UGT2B28: variants seen among roughly 807,000 people sequenced by gnomAD.
UGT2B28 encodes UDP glucuronosyltransferase family 2 member B28, also known as UDP-glucuronosyltransferase 2B28.
A neutral mutation model predicts 43.6 loss-of-function variants in UGT2B28; 45 were observed. The observed-to-expected ratio is 1.03, with a 90% confidence interval of 0.81 to 1.32. UGT2B28 has a LOEUF of 1.32. Among genes scored for constraint, UGT2B28 ranks in the 40% most tolerant of loss-of-function variants. The pLI is 0.00. For missense variants in UGT2B28, 649 were observed against 625.5 expected, an observed-to-expected ratio of 1.04 and a Z score of -0.40; for synonymous variants, 204 against 208.1, an observed-to-expected ratio of 0.98 and a Z score of 0.17.
intron 4 of UGT2B28, 121 bp downstream of exon 4, chr4:69,289,873 A>G (rs1723898210): frequency 9.0e-7 from 1 of 1,116,976 alleles, no homozygotes; most frequent in South Asian, 1.8e-5. Context: ...ACTTCTTTGT[A>G]TTTATTTTCC....
In UGT2B28 at chr4:69,290,880, G is replaced by C. The variant is rs1445128133; in HGVS notation, c.1310+69G>C. The stretch of plus-strand genomic sequence containing the variant: ...CTTCTCTTTTCAATAGTGAGCATGA[G>C]TTTCATCCTTTTTATAAGAGAGTAA... On this transcript the variant is annotated intron_variant, in intron 5 of 5. Transcript: ENST00000335568. The C allele has an allele frequency of 4.8e-6, 7 of 1,450,436 alleles. 1 individual carries two copies. The East Asian group carries it at 9.5e-5, about 20-fold the overall frequency. 89.8% of individuals were successfully genotyped at this position (1,450,436 alleles called of 1,614,324 possible). A position where few individuals can be genotyped will look rare whatever the true frequency, so the allele number is the denominator to read the frequency against.
chr4:69,288,030 C>A (rs1465123441), intron 3 of UGT2B28, among the ~76,000 whole-genome samples: 1 of 139,716 alleles, frequency 7.2e-6, no homozygotes, highest in African/African-American at 2.8e-5. Context: ...GTTGTCAAAG[C>A]TTTGTAGCAC....
At chr4:69,285,009 G>T (rs1723728839) in intron 2 of UGT2B28, among the ~76,000 whole-genome samples, 1 of 139,592 alleles carries the variant, frequency 7.2e-6, no homozygotes, top group Non-Finnish European at 1.5e-5. Flanking sequence ...TTACATGAAA[G>T]AATGATTAAA....
chr4:69,282,701 A>C, intron 2 of UGT2B28, 39 bp downstream of exon 2: 1 of 1,532,926 alleles, frequency 6.5e-7, no homozygotes. Context: ...GTTGGCTTCG[A>C]AGTTTCAGTA....
rs752104186 is a variant in UGT2B28, at chr4:69,282,603, T to C, written c.811T>C (p.Leu271=). The stretch of plus-strand genomic sequence containing the variant: ...GAGTTTTCAATTTCCTCATCCATTC[T>C]TACCAAACATTGATTTTGTTGGAGG... ...SWSFQFPHPF[L]PNIDFVGGLH... The change falls in exon 2 of 6, where the codon TTA becomes CTA. Residue 271 remains leucine, a synonymous_variant. Coordinates refer to ENST00000335568, the MANE Select transcript of UGT2B28 (RefSeq NM_053039.2). The C allele has an allele frequency of 8.4e-6, 13 of 1,556,176 alleles. 2 individuals carry two copies. Among genetic ancestry groups the C allele is most frequent in the Admixed American group, 1.8e-5 (1 of 55,682 alleles).
rs200642416 is a variant in UGT2B28, at chr4:69,290,671, G to A, written c.1170G>A (p.Met390Ile). ...AGGCAATCTACCATGGGATCCCTAT[G>A]GTAGGCATTCCATTGTTTTGGGATC... is the stretch of plus-strand genomic sequence containing the variant. ...IYEAIYHGIP[M>I]VGIPLFWDQP... Residue 390 changes from methionine (M) to isoleucine (I), a missense_variant, in exon 5 of 6, where the codon ATG (methionine) becomes ATA (isoleucine). Coordinates refer to ENST00000335568, the MANE Select transcript of UGT2B28 (RefSeq NM_053039.2). 3 of 1,559,110 alleles carry A rather than the reference G, an allele frequency of 1.9e-6. 1 individual carries two copies. Among genetic ancestry groups the A allele is most frequent in the Middle Eastern group, 3.4e-4 (2 of 5,842 alleles).
At chr4:69,288,274 G>A (rs115991986) in intron 3 of UGT2B28, among the ~76,000 whole-genome samples, 25,384 of 138,444 alleles carry the variant, frequency 0.18, 5,621 homozygotes, top group African/African-American at 0.2. Context: ...GAAGTTATAC[G>A]TAAAACCTTG....
At position 69,284,753 on chromosome 4, in the gene UGT2B28, C is replaced by G. The variant is rs983711115; in HGVS notation, c.871-1999C>G. Among the ~76,000 whole-genome samples the G allele has an allele frequency of 4.1e-4, 58 of 140,788 alleles. 11 individuals are homozygous for G. The highest frequency in any genetic ancestry group is 1.5e-3 in the African/African-American group (54 of 36,168). 92.4% of individuals were successfully genotyped at this position (140,788 alleles called of 152,430 possible). On this transcript the variant is annotated intron_variant, in intron 2 of 5. Transcript: ENST00000335568. ...AATGGTTGTGAAACCAGTTATTTAACTGTTTATTATGTAAAATAACTGCTA... is the reference window on the plus strand; with the variant it reads ...AATGGTTGTGAAACCAGTTATTTAAGTGTTTATTATGTAAAATAACTGCTA...
In UGT2B28 at chr4:69,282,615, G is replaced by A; in HGVS notation, c.823G>A (p.Asp275Asn). The change falls in exon 2 of 6, where the codon GAT (aspartate) becomes AAT (asparagine). Residue 275 changes from aspartate to asparagine, a missense_variant. Transcript: ENST00000335568. Reference protein sequence around the residue: ...QFPHPFLPNIDFVGGLHCKPA... With the variant: ...QFPHPFLPNINFVGGLHCKPA... ...TCCTCATCCATTCTTACCAAACATT[G>A]ATTTTGTTGGAGGACTCCACTGCAA... 1 of 1,554,022 alleles carries A rather than the reference G, an allele frequency of 6.4e-7. No individual in the cohort carries two copies. The highest frequency in any genetic ancestry group is 1.5e-5 in the African/African-American group (1 of 65,472).
Position 69,280,592 on chromosome 4 carries a change from G to A in UGT2B28, c.92G>A (p.Gly31Asp). The change falls in exon 1 of 6, where the codon GGT becomes GAT. Residue 31 changes from glycine to aspartate, a missense_variant. Transcript: ENST00000335568. ...TGTGGAAAGGTGCTGGTGTGGACCG[G>A]TGAATACAGCCATTGGATGAATATG... ...GSCGKVLVWT[G>D]EYSHWMNMKT... 1.9e-6 allele frequency: 3 copies of A among 1,560,526 alleles called. 1 individual carries two copies. Among genetic ancestry groups the A allele is most frequent in the Non-Finnish European group, 2.6e-6 (3 of 1,155,762 alleles).
Position 69,280,671 on chromosome 4 carries a change from A to C in UGT2B28, c.171A>C (p.Ala57=). 6.4e-7 allele frequency: 1 copy of C among 1,561,534 alleles called. No individual in the cohort carries two copies. The highest frequency in any genetic ancestry group is 8.6e-7 in the Non-Finnish European group (1 of 1,156,244). ...VQRGHEVTVL[A]SSASILFDPN... ...GAGGTCATGAGGTGACTGTACTGGC[A>C]TCTTCAGCTTCCATTCTTTTTGATC... is the stretch of plus-strand genomic sequence containing the variant. The change falls in exon 1 of 6, where the codon GCA becomes GCC. Residue 57 remains alanine (A), a synonymous_variant. Coordinates refer to ENST00000335568, the MANE Select transcript of UGT2B28 (RefSeq NM_053039.2).
chr4:69,280,814 T>C lies in UGT2B28; in HGVS notation c.314T>C (p.Phe105Ser). 1 of 1,565,802 alleles carries C rather than the reference T, an allele frequency of 6.4e-7. No individual in the cohort carries two copies. Among genetic ancestry groups the C allele is most frequent in the Non-Finnish European group, 8.6e-7 (1 of 1,157,740 alleles). ...TGGTCAGACATTCAAAAAGATAGCT[T>C]TTGGTTATATTTTTCACAAGAACAA... ...KRWSDIQKDSFWLYFSQEQEI... is the reference protein window; with the variant it reads ...KRWSDIQKDSSWLYFSQEQEI... The change falls in exon 1 of 6, where the codon TTT (phenylalanine) becomes TCT (serine). Residue 105 changes from phenylalanine to serine, a missense_variant. Physicochemically the swap from Phe to Ser is radical, Grantham distance 155. Coordinates refer to ENST00000335568, the MANE Select transcript of UGT2B28 (RefSeq NM_053039.2).
At position 69,289,704 on chromosome 4, in the gene UGT2B28, G is replaced by C. The variant is rs748690226; in HGVS notation, c.1042G>C (p.Gly348Arg). The C allele has an allele frequency of 6.4e-7, 1 of 1,561,320 alleles. No individual in the cohort carries two copies. The change falls in exon 4 of 6, where the codon GGT becomes CGT. Residue 348 changes from glycine to arginine, a missense_variant. By Grantham distance (125) the Gly-to-Arg change is moderately radical (BLOSUM62 -2). Transcript: ENST00000335568. Reference sequence around the variant, plus strand: ...TGATGGGAATAAACCAGATGCCTTAGGTCTCAATACTCGGCTGTATAAGTG... The same window carrying C: ...TGATGGGAATAAACCAGATGCCTTACGTCTCAATACTCGGCTGTATAAGTG... ...RFDGNKPDAL[G>R]LNTRLYKWIP...
Position 69,282,663 on chromosome 4 carries a change from G to C in UGT2B28, c.870+1G>C, listed in dbSNP as rs1166046894. 48 of 1,543,922 alleles carry C rather than the reference G, an allele frequency of 3.1e-5. 4 individuals carry two copies. The highest frequency in any genetic ancestry group is 3.4e-5 in the Non-Finnish European group (39 of 1,150,266). Reference sequence around the variant, plus strand: ...CAAACCTGCCAAACCCCTACCTAAGGTAAACATACTTTCGTTGGTTTTATT... The same window carrying C: ...CAAACCTGCCAAACCCCTACCTAAGCTAAACATACTTTCGTTGGTTTTATT... On this transcript the variant is annotated splice_donor_variant, in intron 2 of 5. Transcript: ENST00000335568. LOFTEE classifies it high-confidence loss of function.
chr4:69,288,623 A>T (rs1279734248), intron 3 of UGT2B28, among the ~76,000 whole-genome samples: 2 of 139,790 alleles, frequency 1.4e-5, no homozygotes, highest in Non-Finnish European at 3.0e-5. Flanking sequence ...TCAGGAGTAC[A>T]TGTGCAGGTT....
At position 69,288,885 on chromosome 4, in the gene UGT2B28, C is replaced by T. The variant is rs1279102211; in HGVS notation, c.1003-780C>T. On this transcript the variant is annotated intron_variant, in intron 3 of 5. Transcript: ENST00000335568. Reference sequence around the variant, plus strand: ...CTGTTAGTTTCCTAAGGCTAATGGCCTCCAGCTCCATCCTTATCCCTGCAA... The same window carrying T: ...CTGTTAGTTTCCTAAGGCTAATGGCTTCCAGCTCCATCCTTATCCCTGCAA... 2.9e-5 allele frequency among the ~76,000 whole-genome samples: 4 copies of T among 140,228 alleles called. 1 individual carries two copies. The highest frequency in any genetic ancestry group is 1.1e-4 in the African/African-American group (4 of 35,736). 92.0% of individuals were successfully genotyped at this position (140,228 alleles called of 152,430 possible).
chr4:69,288,562 T>C lies in UGT2B28; in HGVS notation c.1003-1103T>C, dbSNP rs1171044582. Among the ~76,000 whole-genome samples the C allele has an allele frequency of 1.4e-5, 2 of 140,270 alleles. 1 individual carries two copies. The highest frequency in any genetic ancestry group is 5.5e-5 in the African/African-American group (2 of 36,100). 92.0% of individuals were successfully genotyped at this position (140,270 alleles called of 152,430 possible). A position where few individuals can be genotyped will look rare whatever the true frequency, so the allele number is the denominator to read the frequency against. On this transcript the variant is annotated intron_variant, in intron 3 of 5. Transcript: ENST00000335568. The stretch of plus-strand genomic sequence containing the variant: ...CATATAATTTTTTATACTTTTTTTA[T>C]AATATTTTTATTTTTTAAATTAAAT...
chr4:69,283,308 T>C (rs1484082501), intron 2 of UGT2B28, among the ~76,000 whole-genome samples: 2 of 139,916 alleles, frequency 1.4e-5, no homozygotes, highest in East Asian at 2.0e-4. Flanking sequence ...ATCTAGATCA[T>C]ACTAAGAGGT....
At chr4:69,283,973 G>T (rs533651743) in intron 2 of UGT2B28, among the ~76,000 whole-genome samples, 1 of 140,952 alleles carries the variant, frequency 7.1e-6, no homozygotes, top group Non-Finnish European at 1.5e-5. Context: ...ACAAATGTGT[G>T]CCTTAAATAT....
Sources: allele counts gnomAD v4.1 joint callset (sites outside exome capture counted in the v4.1 genomes callset), GRCh38; gene constraint gnomAD v4.1.1; transcripts MANE v1.5; gene names NCBI Gene and HGNC (gene_info 2026-07-23, HGNC 2026-07-21).